The following PLEKHM3 variants were observed in gnomAD, a reference collection of about 807,000 sequenced individuals.
PLEKHM3 encodes pleckstrin homology domain containing M3.
Under a neutral mutation model 81.8 loss-of-function variants are expected in PLEKHM3, and 45 were observed. That is an observed-to-expected ratio of 0.55 (90% CI 0.43 to 0.71). PLEKHM3 has a LOEUF of 0.71. Ranked by LOEUF, PLEKHM3 falls within the 30% of genes least tolerant of loss-of-function variation. The pLI, the probability that PLEKHM3 is intolerant of heterozygous loss-of-function variation, is 0.00. For missense variants in PLEKHM3, 788 were observed against 924.3 expected (o/e 0.85, Z 1.91); for synonymous variants, 352 against 356.4 (o/e 0.99, Z 0.14).
chr2:207,987,019 A>G (rs114245963), intron 2 of PLEKHM3, among the ~76,000 whole-genome samples: 1,651 of 152,216 alleles, frequency 0.011, 30 homozygotes, highest in African/African-American at 0.038. Context: ...AAAAGAAAAG[A>G]AGTATCACTT....
At position 207,852,261 on chromosome 2, in the gene PLEKHM3, C is replaced by G. The variant is rs369175289; in HGVS notation, c.2108+8844G>C. Among the ~76,000 whole-genome samples the G allele has an allele frequency of 1.0e-3, 159 of 152,248 alleles. 1 individual carries two copies. The highest frequency in any genetic ancestry group is 3.8e-3 in the African/African-American group (156 of 41,558). On this transcript the variant is annotated intron_variant, in intron 7 of 7. Transcript: ENST00000427836. ...TTGGATTCAGGTTTTGGCCTTATCT[C>G]TAGGGCCACGTTAATTGCCTTCTCT... is the stretch of plus-strand genomic sequence containing the variant.
intron 3 of PLEKHM3, among the ~76,000 whole-genome samples, chr2:207,959,380 T>C (rs1169112823): frequency 1.3e-5 from 2 of 152,226 alleles, no homozygotes; most frequent in African/African-American, 2.4e-5. Flanking sequence ...GAACCTCCTA[T>C]TGGCTTAGAG....
intron 5 of PLEKHM3, among the ~76,000 whole-genome samples, chr2:207,909,161 G>A (rs6719173): frequency 0.01 from 1,534 of 152,272 alleles, 27 homozygotes; most frequent in African/African-American, 0.035. Flanking sequence ...TAGAACCTCT[G>A]TACAAATGAG....
intron 6 of PLEKHM3, among the ~76,000 whole-genome samples, chr2:207,877,316 C>T (rs571653482): frequency 6.6e-6 from 1 of 152,260 alleles, no homozygotes; most frequent in East Asian, 1.9e-4. Context: ...CTCTGCACCA[C>T]CTTGATCAGC....
intron 5 of PLEKHM3, among the ~76,000 whole-genome samples, chr2:207,929,443 G>A (rs1689512678): frequency 6.6e-6 from 1 of 152,138 alleles, no homozygotes; most frequent in Non-Finnish European, 1.5e-5. Context: ...TTTTAATATT[G>A]TCTAGAAATA....
rs551295933 is a variant in PLEKHM3, at chr2:207,840,591, T to C, written c.2109-12095A>G. Among the ~76,000 whole-genome samples the C allele has an allele frequency of 4.6e-5, 7 of 152,306 alleles. No individual in the cohort carries two copies. In the East Asian group the frequency reaches 1.4e-3, roughly 29 times the overall value. ...TTTTGCTTTAATTGTAATATGGAGT[T>C]GTTCATGTAGTTTTTGGCCATTTGC... On this transcript the variant is annotated intron_variant, in intron 7 of 7. Transcript: ENST00000427836.
rs184347766 is a variant in PLEKHM3, at chr2:207,966,148, C to T, written c.1546+10503G>A. On this transcript the variant is annotated intron_variant, in intron 3 of 7. Coordinates refer to ENST00000427836, the MANE Select transcript of PLEKHM3 (RefSeq NM_001080475.3). ...AAGGACACAAAATGAGACTGATTGC[C>T]TTGTTCACTCTGCAGAAAGCATAGT... Among the ~76,000 whole-genome samples the T allele has an allele frequency of 1.2e-3, 182 of 152,328 alleles. 2 individuals carry two copies. The Middle Eastern group carries it at 0.014, about 11-fold the overall frequency.
intron 7 of PLEKHM3, among the ~76,000 whole-genome samples, chr2:207,855,874 G>A (rs1056123675): frequency 2.6e-5 from 4 of 152,102 alleles, no homozygotes; most frequent in Non-Finnish European, 4.4e-5. Flanking sequence ...TATGGTATCC[G>A]GGAACAGAAG....
chr2:208,023,893 C>T (rs1693214513), intron 1 of PLEKHM3, among the ~76,000 whole-genome samples: 1 of 151,984 alleles, frequency 6.6e-6, no homozygotes, highest in Non-Finnish European at 1.5e-5. Context: ...ATGTATATAG[C>T]AATTACTATA....
At chr2:207,962,459 T>C (rs1400832568) in intron 3 of PLEKHM3, among the ~76,000 whole-genome samples, 1 of 152,234 alleles carries the variant, frequency 6.6e-6, no homozygotes. Context: ...CTGTTCCTGG[T>C]TTTTATCGTT....
intron 6 of PLEKHM3, among the ~76,000 whole-genome samples, chr2:207,902,392 A>G (rs577405424): frequency 2.0e-5 from 3 of 152,324 alleles, no homozygotes; most frequent in Admixed American, 2.0e-4. Flanking sequence ...AGTGGCCTTG[A>G]AATACCTTAA....
chr2:207,974,945 C>T (rs572119698), intron 3 of PLEKHM3, among the ~76,000 whole-genome samples: 1 of 151,992 alleles, frequency 6.6e-6, no homozygotes, highest in East Asian at 1.9e-4. Context: ...GATTCTCCTG[C>T]TCAGCCTCCC....
chr2:207,878,877 C>A (rs2092572526), intron 6 of PLEKHM3, among the ~76,000 whole-genome samples: 2 of 151,856 alleles, frequency 1.3e-5, no homozygotes, highest in Admixed American at 6.6e-5. Context: ...GCCCCGGAAG[C>A]CTCTTCTGCC....
At chr2:208,015,145 C>T (rs1177702581) in intron 1 of PLEKHM3, among the ~76,000 whole-genome samples, 1 of 152,084 alleles carries the variant, frequency 6.6e-6, no homozygotes, top group Admixed American at 6.6e-5. Context: ...TCACAACCAC[C>T]CTATTAGAGA....
chr2:207,896,816 A>G (rs1413643162), intron 6 of PLEKHM3, among the ~76,000 whole-genome samples: 1 of 152,218 alleles, frequency 6.6e-6, no homozygotes, highest in Non-Finnish European at 1.5e-5. Flanking sequence ...TCAGTCTGGT[A>G]AGCTTCTCTC....
chr2:207,837,839 C>A (rs2105885981), intron 7 of PLEKHM3, among the ~76,000 whole-genome samples: 1 of 131,492 alleles, frequency 7.6e-6, no homozygotes, highest in East Asian at 2.6e-4. Flanking sequence ...GGTGCGATCT[C>A]AGCTCACTGC....
intron 6 of PLEKHM3, among the ~76,000 whole-genome samples, chr2:207,896,475 G>A (rs1688226596): frequency 6.6e-6 from 1 of 152,228 alleles, no homozygotes; most frequent in African/African-American, 2.4e-5. Context: ...CTTTTACAAA[G>A]TGATGAGAAA....
rs1465281533 is a variant in PLEKHM3 at position 207,825,995 on chromosome 2, G to A, written c.*2324C>T. The A allele has an allele frequency of 1.3e-5, 2 of 152,206 alleles. No homozygotes were observed. Among genetic ancestry groups the A allele is most frequent in the African/African-American group, 4.8e-5 (2 of 41,452 alleles). The allele number at this position is 152,206 out of a possible 1,614,324, so 9.4% of individuals were successfully genotyped here. On this transcript the variant is annotated 3_prime_UTR_variant, in exon 8 of 8. Transcript: ENST00000427836. ...TCGGCAGGTATGACCCTGGGTGCCT[G>A]TGAGCTAGGAGAGGAAATTCTGTAT...
chr2:207,901,197 GGCAGT>G (rs745584781), intron 6 of PLEKHM3: 6 of 699,152 alleles, frequency 8.6e-6, no homozygotes, highest in East Asian at 8.1e-5. Flanking sequence ...TTCCACAAAA[GGCAGT>G]GACTTTGTCC....
Sources: allele counts gnomAD v4.1 joint callset (sites outside exome capture counted in the v4.1 genomes callset), GRCh38; gene constraint gnomAD v4.1.1; transcripts MANE v1.5; gene names NCBI Gene and HGNC (gene_info 2026-07-23, HGNC 2026-07-21).